Variants in EPM2A observed in about 807,000 individuals in gnomAD.
EPM2A encodes the protein laforin.
A neutral mutation model predicts 26.5 loss-of-function variants in EPM2A; 21 were observed. The observed-to-expected ratio is 0.79, with a 90% CI of 0.56 to 1.14. The LOEUF (loss-of-function observed/expected upper bound fraction) is 1.14, where lower values mean the gene tolerates loss of function less well. Ranked by LOEUF, EPM2A falls within the 50% of genes most tolerant of loss-of-function variation. The probability of loss-of-function intolerance (pLI) is 0.00; values close to 1 mark genes in which losing one functional copy is unlikely to be tolerated. For synonymous variants in EPM2A, 217 were observed against 177.6 expected, an observed-to-expected ratio of 1.22 and a Z score of -1.76; for missense variants, 458 against 440.8, an observed-to-expected ratio of 1.04 and a Z score of -0.35.
intron 4 of EPM2A, among the ~76,000 whole-genome samples, chr6:145,412,585 T>C (rs1429545191): frequency 6.6e-6 from 1 of 152,212 alleles, no homozygotes; most frequent in East Asian, 1.9e-4. Flanking sequence ...ATCAATTATA[T>C]ACTCATGCTT....
chr6:145,487,822 G>A (rs1438585460), intron 4 of EPM2A, among the ~76,000 whole-genome samples: 3 of 151,972 alleles, frequency 2.0e-5, no homozygotes, highest in Non-Finnish European at 4.4e-5. Flanking sequence ...TCTAGTTTAG[G>A]TAGATTCCAT....
intron 2 of EPM2A, among the ~76,000 whole-genome samples, chr6:145,579,991 C>T (rs2114835068): frequency 6.6e-6 from 1 of 152,136 alleles, no homozygotes; most frequent in East Asian, 1.9e-4. Flanking sequence ...TTGTGTTTAC[C>T]TTAAAGCTTT....
chr6:145,677,403 A>G (rs1311575551), intron 2 of EPM2A, among the ~76,000 whole-genome samples: 1 of 152,202 alleles, frequency 6.6e-6, no homozygotes. Context: ...CACCACTCCT[A>G]TTCAACATAG....
chr6:145,590,115 A>G (rs1781252636), intron 2 of EPM2A, among the ~76,000 whole-genome samples: 1 of 152,236 alleles, frequency 6.6e-6, no homozygotes, highest in Middle Eastern at 3.4e-3. Flanking sequence ...TTAAACACTA[A>G]TTTTGACAAC....
chr6:145,650,984 CA>C (rs1465696150), intron 2 of EPM2A, among the ~76,000 whole-genome samples: 1 of 152,112 alleles, frequency 6.6e-6, no homozygotes, highest in Non-Finnish European at 1.5e-5. Flanking sequence ...AATGGAAAGA[CA>C]AGGTGCAGTA....
intron 4 of EPM2A, among the ~76,000 whole-genome samples, chr6:145,493,553 C>T (rs1483595688): frequency 6.6e-6 from 1 of 152,174 alleles, no homozygotes; most frequent in Non-Finnish European, 1.5e-5. Flanking sequence ...AGAGGGCATC[C>T]TTGCCTTGTG....
intron 2 of EPM2A, chr6:145,637,391 A>T (rs542837001): frequency 6.6e-6 from 1 of 152,280 alleles, no homozygotes; most frequent in South Asian, 2.1e-4. Flanking sequence ...CATGACCCAT[A>T]ATCAGTGAAA....
chr6:145,719,369 A>G (rs921687425), intron 1 of EPM2A, among the ~76,000 whole-genome samples: 1 of 150,790 alleles, frequency 6.6e-6, no homozygotes, highest in African/African-American at 2.4e-5. Context: ...AACTATCGCA[A>G]GAACAAAAAA....
At chr6:145,510,225 A>G (rs1305206238) in intron 2 of EPM2A, among the ~76,000 whole-genome samples, 12 of 152,148 alleles carry the variant, frequency 7.9e-5, no homozygotes, top group Non-Finnish European at 2.9e-5. Flanking sequence ...TAAATTCAAC[A>G]CTTGACCAAC....
At chr6:145,691,923 A>G (rs1265464576) in intron 1 of EPM2A, among the ~76,000 whole-genome samples, 1 of 152,054 alleles carries the variant, frequency 6.6e-6, no homozygotes, top group Non-Finnish European at 1.5e-5. Context: ...AAATACACCA[A>G]TGAAAATACA....
intron 4 of EPM2A, among the ~76,000 whole-genome samples, chr6:145,445,435 A>T (rs1779117680): frequency 6.6e-6 from 1 of 152,198 alleles, no homozygotes; most frequent in Non-Finnish European, 1.5e-5. Flanking sequence ...ATTGTTTATG[A>T]ATAAGGTCTA....
intron 2 of EPM2A, among the ~76,000 whole-genome samples, chr6:145,619,096 CTT>C (rs1198938074): frequency 6.6e-6 from 1 of 151,800 alleles, no homozygotes; most frequent in African/African-American, 2.4e-5. Context: ...AAGTTTCTAA[CTT>C]GGGAAATTAG....
At chr6:145,595,313 G>C (rs979185320) in intron 2 of EPM2A, among the ~76,000 whole-genome samples, 1 of 151,522 alleles carries the variant, frequency 6.6e-6, no homozygotes, top group Non-Finnish European at 1.5e-5. Context: ...CAATGAAAAT[G>C]ATCATGGCTA....
In EPM2A at chr6:145,445,053, G is replaced by A. The variant is rs114467163; in HGVS notation, c.555+57469C>T. On this transcript the variant is annotated intron_variant, in intron 4 of 4. Coordinates refer to the EPM2A transcript ENST00000638717. ...GTTTCCCAGTGTTTACTAAGGTGCT[G>A]TGTGTGTATATTAGGTCACACCTCA... is the stretch of plus-strand genomic sequence containing the variant. Among the ~76,000 whole-genome samples the A allele has an allele frequency of 3.9e-3, 588 of 152,134 alleles. 5 individuals carry two copies. Among genetic ancestry groups the A allele is most frequent in the African/African-American group, 0.013 (542 of 41,498 alleles).
In EPM2A at chr6:145,735,347, GC is replaced by G. The variant is rs1429107320; in HGVS notation, c.151del (p.Ala51ProfsTer39). 1.7e-6 allele frequency: 2 copies of G among 1,204,266 alleles called. No homozygotes were observed. The highest frequency in any genetic ancestry group is 1.8e-5 in the South Asian group (1 of 54,094). The allele number at this position is 1,204,266 out of a possible 1,614,324, so 74.6% of individuals were successfully genotyped here. ...RPAGTAAGDGALALQEPGLWL... is the reference protein window; with the variant it reads ...RPAGTAAGDGXLALQEPGLWL... The stretch of plus-strand genomic sequence containing the variant: ...CAGGCCCGGCTCCTGCAGGGCCAGG[GC>G]CCCGTCGCCCGCCGCGGTGCCGGCC... On this transcript the variant is annotated frameshift_variant, in exon 1 of 4. Coordinates refer to ENST00000367519, the MANE Select transcript of EPM2A (RefSeq NM_005670.4). LOFTEE classifies it high-confidence loss of function.
At chr6:145,570,203 T>C (rs1780936507) in intron 2 of EPM2A, among the ~76,000 whole-genome samples, 1 of 152,232 alleles carries the variant, frequency 6.6e-6, no homozygotes, top group Non-Finnish European at 1.5e-5. Context: ...CCAGGATCAA[T>C]ACTTTGTACC....
chr6:145,613,704 T>C (rs1775443940), intron 2 of EPM2A, among the ~76,000 whole-genome samples: 1 of 152,162 alleles, frequency 6.6e-6, no homozygotes, highest in Admixed American at 6.5e-5. Context: ...CAATAAGCAT[T>C]TGTATTTGGA....
intron 4 of EPM2A, among the ~76,000 whole-genome samples, chr6:145,399,567 C>CA (rs1778453556): frequency 6.6e-6 from 1 of 152,086 alleles, no homozygotes; most frequent in African/African-American, 2.4e-5. Flanking sequence ...CACTTCAGGT[C>CA]AAATTGCTGA....
At chr6:145,504,151 A>G (rs1265841353) in intron 2 of EPM2A, among the ~76,000 whole-genome samples, 1 of 134,496 alleles carries the variant, frequency 7.4e-6, no homozygotes, top group Non-Finnish European at 1.6e-5. Context: ...CTAGAAGAAA[A>G]CCTAGGCATT....
Sources: gnomAD v4.1 joint callset for allele counts (sites outside exome capture counted in the v4.1 genomes callset) on GRCh38, gnomAD v4.1.1 for gene constraint, MANE v1.5 for transcripts, NCBI Gene and HGNC (gene_info 2026-07-23, HGNC 2026-07-21) for gene names.